Variants in FYCO1 observed in about 807,000 individuals in gnomAD.
FYCO1 encodes FYVE and coiled-coil domain autophagy adaptor 1, also known as FYVE and coiled-coil domain-containing protein 1.
A neutral mutation model predicts 165.1 loss-of-function variants in FYCO1; 122 were observed. The observed-to-expected ratio is 0.74, with a 90% CI of 0.64 to 0.86. The LOEUF is 0.86. Ranked by LOEUF, FYCO1 falls within the 40% of genes least tolerant of loss-of-function variation. The probability of loss-of-function intolerance (pLI) is 0.00; values close to 1 mark genes in which losing one functional copy is unlikely to be tolerated. For synonymous variants in FYCO1, 648 were observed against 742.5 expected (o/e 0.87, Z 2.07); for missense variants, 1,702 against 1,810.3 (o/e 0.94, Z 1.09).
At chr3:45,955,923 C>G (rs1705285115) in intron 13 of FYCO1, among the ~76,000 whole-genome samples, 1 of 152,192 alleles carries the variant, frequency 6.6e-6, no homozygotes, top group East Asian at 1.9e-4. Context: ...GGCCTTGTGT[C>G]CGACTGTGCA....
intron 14 of FYCO1, chr3:45,943,556 T>G (rs1377832875): frequency 1.3e-5 from 2 of 152,234 alleles, no homozygotes; most frequent in East Asian, 1.9e-4. Context: ...TCATTTGTTT[T>G]ACTCTTTATA....
At chr3:45,983,469 G>A (rs1707153662) in intron 2 of FYCO1, among the ~76,000 whole-genome samples, 1 of 152,216 alleles carries the variant, frequency 6.6e-6, no homozygotes, top group Admixed American at 6.5e-5. Flanking sequence ...CTATGTAAAG[G>A]ACATTGAAAT....
At chr3:45,947,418 G>C in intron 14 of FYCO1, 5 of 1,614,152 alleles carry the variant, frequency 3.1e-6, no homozygotes, top group Non-Finnish European at 4.2e-6. Flanking sequence ...CCCTTACCTT[G>C]GGGTCTCACA....
At chr3:45,938,090 C>T (rs749608998) in intron 14 of FYCO1, 3 of 549,772 alleles carry the variant, frequency 5.5e-6, no homozygotes, top group Non-Finnish European at 9.3e-6. Flanking sequence ...CTTGGTTCTC[C>T]CAATTTTCCC....
intron 14 of FYCO1, among the ~76,000 whole-genome samples, chr3:45,951,307 G>A (rs1575352992): frequency 1.3e-5 from 2 of 152,310 alleles, no homozygotes; most frequent in East Asian, 1.9e-4. Flanking sequence ...GGTGAGTGCT[G>A]TTCCAGTCTC....
At chr3:45,975,203 G>T in intron 5 of FYCO1, 36 bp downstream of exon 5, 1 of 1,387,110 alleles carries the variant, frequency 7.2e-7, no homozygotes, top group Non-Finnish European at 1.0e-6. Flanking sequence ...TTTCTGCACG[G>T]GATGATCCCA....
chr3:45,935,551 C>G (rs1374598001), intron 15 of FYCO1, among the ~76,000 whole-genome samples: 4 of 152,320 alleles, frequency 2.6e-5, no homozygotes, highest in Non-Finnish European at 5.9e-5. Context: ...TTCCCTCTGC[C>G]TGAAATGCTA....
chr3:45,984,791 A>G, intron 2 of FYCO1, 65 bp downstream of exon 2: 1 of 1,537,070 alleles, frequency 6.5e-7, no homozygotes, highest in Non-Finnish European at 9.0e-7. Context: ...TCAACTGGCA[A>G]CAGCAAAAAG....
intron 13 of FYCO1, among the ~76,000 whole-genome samples, chr3:45,957,085 T>C (rs1422580462): frequency 6.6e-6 from 1 of 152,168 alleles, no homozygotes; most frequent in Non-Finnish European, 1.5e-5. Flanking sequence ...AATCCACACA[T>C]ATAAGGTCAA....
intron 16 of FYCO1, among the ~76,000 whole-genome samples, 187 bp from the exon 17 acceptor site, chr3:45,923,952 T>C (rs977797492): frequency 6.6e-6 from 1 of 152,342 alleles, no homozygotes; most frequent in Non-Finnish European, 1.5e-5. Flanking sequence ...AGGCTGTTGA[T>C]GACTCGTGGC....
chr3:45,979,900 A>G, intron 3 of FYCO1, 70 bp from the exon 4 acceptor site: 1 of 1,572,728 alleles, frequency 6.4e-7, no homozygotes, highest in Non-Finnish European at 8.7e-7. Flanking sequence ...TTAAATGATA[A>G]ATAATAACAA....
intron 14 of FYCO1, among the ~76,000 whole-genome samples, chr3:45,950,383 C>G (rs1474852847): frequency 6.6e-6 from 1 of 152,114 alleles, no homozygotes; most frequent in Admixed American, 6.5e-5. Context: ...GTGGGGAACA[C>G]AAGATGACAC....
chr3:45,985,667 C>T (rs1412013637), intron 1 of FYCO1, among the ~76,000 whole-genome samples: 1 of 152,232 alleles, frequency 6.6e-6, no homozygotes, highest in Non-Finnish European at 1.5e-5. Context: ...TCTCCAGAGG[C>T]CTGCACAGCC....
At chr3:45,951,121 C>T (rs1397929739) in intron 14 of FYCO1, among the ~76,000 whole-genome samples, 1 of 152,202 alleles carries the variant, frequency 6.6e-6, no homozygotes, top group African/African-American at 2.4e-5. Context: ...CAGGAGACGA[C>T]TGGGCTGCGC....
rs772726836 is a variant in FYCO1, at chr3:45,967,197, G to A, written c.2137C>T (p.Arg713Trp). ...TGCTGGCACTGCTCCACCTCCTCCCGCAGCTGCTGACACTCGCCCTCCTTG... is the reference window on the plus strand; with the variant it reads ...TGCTGGCACTGCTCCACCTCCTCCCACAGCTGCTGACACTCGCCCTCCTTG... Reference protein sequence around the residue: ...QSKEGECQQLREEVEQCQQLA... With the variant: ...QSKEGECQQLWEEVEQCQQLA... Residue 713 changes from arginine (R) to tryptophan (W), a missense_variant, in exon 8 of 18, where the codon CGG (arginine) becomes TGG (tryptophan). Arg to Trp is a moderately radical substitution (Grantham distance 101). Transcript: ENST00000296137. 40 of 1,613,660 alleles carry A rather than the reference G, an allele frequency of 2.5e-5. No homozygotes were observed. The East Asian group carries it at 3.3e-4, about 13-fold the overall frequency.
At chr3:45,951,910 T>C (rs920421847) in intron 14 of FYCO1, among the ~76,000 whole-genome samples, 2 of 152,128 alleles carry the variant, frequency 1.3e-5, no homozygotes, top group African/African-American at 4.8e-5. Context: ...GCCCCAAAAC[T>C]GTGTACATGT....
intron 13 of FYCO1, 62 bp downstream of exon 13, chr3:45,958,346 C>T: frequency 6.8e-7 from 1 of 1,472,110 alleles, no homozygotes; most frequent in Non-Finnish European, 9.4e-7. Flanking sequence ...CTAGCCACAA[C>T]ATCGGTAGGG....
intron 10 of FYCO1, among the ~76,000 whole-genome samples, chr3:45,963,962 A>C (rs991250858): frequency 2.0e-5 from 3 of 152,250 alleles, no homozygotes; most frequent in Non-Finnish European, 2.9e-5. Flanking sequence ...ATGTATGCAA[A>C]GTATTCAAAA....
rs143704916 is a variant in FYCO1 at position 45,967,860 on chromosome 3, G to T, written c.1474C>A (p.Arg492=). ...SWEEELAELR[R]EKKQQQEEKE... is the part of the protein sequence containing the mutation. ...TCCTCCTGTTGCTGTTTTTTCTCCC[G>T]CCTCAACTCTGCTAGCTCCTCCTCC... The change falls in exon 8 of 18, where the codon CGG becomes AGG. Residue 492 remains arginine, a synonymous_variant. Transcript: ENST00000296137. The T allele has an allele frequency of 6.2e-7, 1 of 1,613,892 alleles. No homozygotes were observed. Among genetic ancestry groups the T allele is most frequent in the South Asian group, 1.1e-5 (1 of 91,068 alleles).
Sources: gnomAD v4.1 joint callset for allele counts (sites outside exome capture counted in the v4.1 genomes callset) on GRCh38, gnomAD v4.1.1 for gene constraint, MANE v1.5 for transcripts, NCBI Gene and HGNC (gene_info 2026-07-23, HGNC 2026-07-21) for gene names.